CCDC15: variants seen among roughly 807,000 people sequenced by gnomAD.
The protein encoded by CCDC15 is coiled-coil domain containing 15.
CCDC15 carries 105 observed loss-of-function variants against 114.5 expected under a neutral mutation model. The observed-to-expected ratio is 0.92, with a 90% confidence interval of 0.78 to 1.08. The LOEUF is 1.08. Ranked by LOEUF, CCDC15 falls within the 50% of genes least tolerant of loss-of-function variation. CCDC15 has a pLI of 0.00. For missense variants in CCDC15, 1,105 were observed against 1,093.6 expected (o/e 1.01, Z -0.15); for synonymous variants, 334 against 377.8 (o/e 0.88, Z 1.34).
chr11:125,024,876 C>T (rs1948684903), intron 13 of CCDC15, among the ~76,000 whole-genome samples: 1 of 151,274 alleles, frequency 6.6e-6, no homozygotes, highest in Admixed American at 6.6e-5. Context: ...AGTTCTTTGC[C>T]ATTAAGTATG....
Position 124,994,832 on chromosome 11 carries a change from T to G in CCDC15, c.2214+1589T>G, listed in dbSNP as rs1369425541. On this transcript the variant is annotated intron_variant, in intron 11 of 15. Coordinates refer to ENST00000344762, the MANE Select transcript of CCDC15 (RefSeq NM_025004.3). ...AGTTTAGTTTATTATCACTGGAATTTTACCCCTCTGTGCATAATTTTTATT... is the reference window on the plus strand; with the variant it reads ...AGTTTAGTTTATTATCACTGGAATTGTACCCCTCTGTGCATAATTTTTATT... 2.0e-5 allele frequency among the ~76,000 whole-genome samples: 3 copies of G among 152,248 alleles called. No homozygotes were observed. The East Asian group carries it at 5.8e-4, about 29-fold the overall frequency.
intron 4 of CCDC15, among the ~76,000 whole-genome samples, chr11:124,965,526 C>T (rs1947759478): frequency 6.6e-6 from 1 of 151,974 alleles, no homozygotes; most frequent in Admixed American, 6.6e-5. Context: ...TTTGATTCTT[C>T]TCTCTTTTCT....
intron 6 of CCDC15, among the ~76,000 whole-genome samples, chr11:124,979,703 C>G (rs1010454446): frequency 5.3e-5 from 8 of 152,160 alleles, no homozygotes; most frequent in Admixed American, 1.3e-4. Context: ...AGAATCATAT[C>G]TTCTGCAAAT....
chr11:125,034,923 A>C (rs1158062367), intron 13 of CCDC15, among the ~76,000 whole-genome samples: 1 of 152,130 alleles, frequency 6.6e-6, no homozygotes, highest in African/African-American at 2.4e-5. Flanking sequence ...ATATATATAT[A>C]AACTCTCATA....
chr11:124,986,561 G>A (rs749340925), intron 6 of CCDC15, among the ~76,000 whole-genome samples, 181 bp from the exon 7 acceptor site: 1 of 151,922 alleles, frequency 6.6e-6, no homozygotes, highest in Admixed American at 6.5e-5. Context: ...TGTAAACATT[G>A]TATAACATTT....
At chr11:124,997,817 CT>C (rs1325965417) in intron 11 of CCDC15, among the ~76,000 whole-genome samples, 5 of 152,120 alleles carry the variant, frequency 3.3e-5, no homozygotes, top group African/African-American at 1.2e-4. Flanking sequence ...TGGCATGCAC[CT>C]GTAATCGCAG....
chr11:125,002,850 C>G (rs1948500644), intron 11 of CCDC15, among the ~76,000 whole-genome samples: 1 of 151,950 alleles, frequency 6.6e-6, no homozygotes. Context: ...TAACTTTGTT[C>G]TTTTTCAAGA....
intron 4 of CCDC15, among the ~76,000 whole-genome samples, chr11:124,974,319 T>C (rs1947936739): frequency 6.6e-6 from 1 of 152,238 alleles, no homozygotes; most frequent in Non-Finnish European, 1.5e-5. Flanking sequence ...GTTTTATTTG[T>C]TTCCCTAATG....
intron 13 of CCDC15, among the ~76,000 whole-genome samples, chr11:125,021,656 CTT>C (rs903037588): frequency 6.6e-6 from 1 of 151,720 alleles, no homozygotes; most frequent in Non-Finnish European, 1.5e-5. Flanking sequence ...TTTACTCACT[CTT>C]GAGATGTTTG....
intron 13 of CCDC15, among the ~76,000 whole-genome samples, chr11:125,032,337 A>G (rs1435282229): frequency 6.6e-6 from 1 of 152,238 alleles, no homozygotes; most frequent in African/African-American, 2.4e-5. Context: ...GGAGTGGAGA[A>G]AAAGGCATTT....
At chr11:124,977,284 T>C (rs977334641) in intron 5 of CCDC15, among the ~76,000 whole-genome samples, 194 bp from the exon 6 acceptor site, 8 of 152,188 alleles carry the variant, frequency 5.3e-5, no homozygotes, top group African/African-American at 1.9e-4. Flanking sequence ...TCTCCTGTTT[T>C]ATTCCATATG....
intron 2 of CCDC15, 108 bp from the exon 3 acceptor site, chr11:124,959,004 AATT>A (rs901892799): frequency 1.5e-5 from 10 of 650,362 alleles, no homozygotes; most frequent in Non-Finnish European, 1.9e-5. Context: ...TACAGAATGG[AATT>A]ATTTTTTTCA....
intron 4 of CCDC15, among the ~76,000 whole-genome samples, chr11:124,973,778 T>C (rs1236077870): frequency 1.3e-5 from 2 of 151,952 alleles, no homozygotes; most frequent in Non-Finnish European, 2.9e-5. Context: ...TACAGGCGTG[T>C]GCCACTACAG....
chr11:124,986,706 C>CGCGT (rs1565366433), intron 6 of CCDC15, 36 bp from the exon 7 acceptor site: 1 of 1,386,142 alleles, frequency 7.2e-7, no homozygotes, highest in East Asian at 2.6e-5. Flanking sequence ...TGTGTGCGCG[C>CGCGT]GCGCGCGTGC....
intron 13 of CCDC15, among the ~76,000 whole-genome samples, chr11:125,015,059 G>A (rs1194710754): frequency 6.6e-6 from 1 of 152,032 alleles, no homozygotes. Flanking sequence ...ACTTTTGAGA[G>A]AATAATAATG....
At chr11:124,997,514 C>T (rs923778768) in intron 11 of CCDC15, among the ~76,000 whole-genome samples, 3 of 151,884 alleles carry the variant, frequency 2.0e-5, no homozygotes, top group Non-Finnish European at 2.9e-5. Flanking sequence ...GTCTTGAGCT[C>T]CCGGCCTCAA....
rs763383102 is a variant in CCDC15 at position 124,987,453 on chromosome 11, C to T, written c.1227C>T (p.Thr409=). ...ELEEGSIVLK[T]QDFLPTNQAL... ...AAGAAGGGAGTATTGTGTTGAAAAC[C>T]CAGGATTTTCTACCCACAAATCAGG... The change falls in exon 8 of 16, where the codon ACC becomes ACT. Residue 409 remains threonine (T), a synonymous_variant. Coordinates refer to ENST00000344762, the MANE Select transcript of CCDC15 (RefSeq NM_025004.3). The T allele has an allele frequency of 6.2e-7, 1 of 1,613,912 alleles. No homozygotes were observed. The highest frequency in any genetic ancestry group is 2.2e-5 in the East Asian group (1 of 44,876).
chr11:125,030,076 C>T (rs1341468849), intron 13 of CCDC15, among the ~76,000 whole-genome samples: 2 of 152,106 alleles, frequency 1.3e-5, no homozygotes, highest in African/African-American at 2.4e-5. Flanking sequence ...GAACTAAGAC[C>T]TCTAGGCCAG....
intron 13 of CCDC15, among the ~76,000 whole-genome samples, chr11:125,023,329 A>C (rs994442634): frequency 6.6e-6 from 1 of 152,012 alleles, no homozygotes; most frequent in African/African-American, 2.4e-5. Flanking sequence ...ACTTCATCAA[A>C]ATTAAAAACT....
Sources: allele counts gnomAD v4.1 joint callset (sites outside exome capture counted in the v4.1 genomes callset), GRCh38; gene constraint gnomAD v4.1.1; transcripts MANE v1.5; gene names NCBI Gene and HGNC (gene_info 2026-07-23, HGNC 2026-07-21).